CACNA2D4: variants seen among roughly 807,000 people sequenced by gnomAD.
CACNA2D4 encodes the protein calcium voltage-gated channel auxiliary subunit alpha2delta 4, also known as voltage-dependent calcium channel subunit alpha-2/delta-4.
Under a neutral mutation model 163.8 loss-of-function variants are expected in CACNA2D4, and 157 were observed. The ratio of observed to expected loss-of-function variants is 0.96; its 90% CI spans 0.84 to 1.09. The LOEUF (loss-of-function observed/expected upper bound fraction) is 1.09. Ranked by LOEUF, CACNA2D4 falls within the 50% of genes least tolerant of loss-of-function variation. The pLI, the probability that CACNA2D4 is intolerant of heterozygous loss-of-function variation, is 0.00. For synonymous variants in CACNA2D4, 598 were observed against 586.9 expected (o/e 1.02, Z -0.27); for missense variants, 1,410 against 1,479.9 (o/e 0.95, Z 0.78).
intron 26 of CACNA2D4, 128 bp from the exon 27 acceptor site, chr12:1,811,851 G>C: frequency 1.2e-6 from 1 of 853,030 alleles, no homozygotes; most frequent in Non-Finnish European, 1.9e-6. Flanking sequence ...TGGGAGGACT[G>C]AGTCAGAGGG....
intron 26 of CACNA2D4, 132 bp from the exon 27 acceptor site, chr12:1,811,855 C>A: frequency 2.5e-6 from 2 of 785,770 alleles, no homozygotes; most frequent in Non-Finnish European, 2.1e-6. Context: ...AGGACTGAGT[C>A]AGAGGGCAGA....
chr12:1,848,059 A>G (rs1212159400), intron 23 of CACNA2D4, among the ~76,000 whole-genome samples: 2 of 152,326 alleles, frequency 1.3e-5, no homozygotes, highest in Admixed American at 1.3e-4. Context: ...GATATCGTTC[A>G]AATACCATCC....
At position 1,885,861 on chromosome 12, in the gene CACNA2D4, T is replaced by A. The variant is rs1020898986; in HGVS notation, c.1068+104A>T. ...TGCTCTGCTCTCATTCCAGGTGCCA[T>A]GGGAATAAGCAAAAAGGGCCACAGA... On this transcript the variant is annotated intron_variant, in intron 9 of 37. Coordinates refer to ENST00000382722, the MANE Select transcript of CACNA2D4 (RefSeq NM_172364.5). 26 of 813,732 alleles carry A rather than the reference T, an allele frequency of 3.2e-5. No individual in the cohort carries two copies. In the South Asian group the frequency reaches 3.6e-4, roughly 11 times the overall value. The allele number at this position is 813,732 out of a possible 1,614,324, so 50.4% of individuals were successfully genotyped here.
chr12:1,811,527 T>A (rs1484808944), intron 27 of CACNA2D4, 135 bp downstream of exon 27: 1 of 883,840 alleles, frequency 1.1e-6, no homozygotes, highest in African/African-American at 1.7e-5. Context: ...GCTGAGGGGC[T>A]GAGAAGTGTA....
intron 23 of CACNA2D4, among the ~76,000 whole-genome samples, chr12:1,853,630 G>A (rs1000457899): frequency 6.6e-6 from 1 of 152,194 alleles, no homozygotes; most frequent in Non-Finnish European, 1.5e-5. Flanking sequence ...GGATTTCTAA[G>A]GGGCTGGGAA....
At chr12:1,911,021 A>ATTTTTTTTTTTTTTTTTTTTT (rs374264665) in intron 3 of CACNA2D4, among the ~76,000 whole-genome samples, 1 of 133,482 alleles carries the variant, frequency 7.5e-6, no homozygotes, top group Non-Finnish European at 1.6e-5. Flanking sequence ...CCGCAATACA[A>ATTTTTTTTTTTTTTTTTTTTT]TTTTTTTTTT....
At chr12:1,910,758 C>A (rs1866791810) in intron 3 of CACNA2D4, among the ~76,000 whole-genome samples, 1 of 152,154 alleles carries the variant, frequency 6.6e-6, no homozygotes. Context: ...TACAAATGGT[C>A]ACGTATTGTA....
intron 24 of CACNA2D4, among the ~76,000 whole-genome samples, chr12:1,845,715 G>A (rs1865130425): frequency 6.6e-6 from 1 of 152,202 alleles, no homozygotes; most frequent in Non-Finnish European, 1.5e-5. Flanking sequence ...CCTCCCTTGA[G>A]CACCCGGGTG....
At chr12:1,800,752 G>T in intron 31 of CACNA2D4, 1 of 591,604 alleles carries the variant, frequency 1.7e-6, no homozygotes. Context: ...TGATCAAGCG[G>T]CAGTGTCAGG....
intron 19 of CACNA2D4, 143 bp from the exon 20 acceptor site, chr12:1,858,787 T>C: frequency 2.0e-6 from 1 of 511,382 alleles, no homozygotes; most frequent in Non-Finnish European, 3.3e-6. Flanking sequence ...GCCCCCTTCT[T>C]TACCTCTGGC....
chr12:1,887,472 T>C (rs1291029311), intron 6 of CACNA2D4, among the ~76,000 whole-genome samples: 1 of 152,228 alleles, frequency 6.6e-6, no homozygotes, highest in Non-Finnish European at 1.5e-5. Flanking sequence ...CCTCTAGGTG[T>C]TAAGCTCATT....
intron 18 of CACNA2D4, among the ~76,000 whole-genome samples, chr12:1,870,916 G>T (rs1340665966): frequency 2.0e-5 from 3 of 152,172 alleles, no homozygotes; most frequent in Admixed American, 1.3e-4. Context: ...GAGAGAGAAA[G>T]ACAGTGTAAG....
intron 23 of CACNA2D4, among the ~76,000 whole-genome samples, chr12:1,847,557 T>C (rs1389123813): frequency 1.3e-5 from 2 of 152,104 alleles, no homozygotes; most frequent in Non-Finnish European, 2.9e-5. Context: ...CCAGGGGGCT[T>C]GTACAGGGTG....
chr12:1,916,347 C>T (rs1252232553), intron 1 of CACNA2D4, among the ~76,000 whole-genome samples: 1 of 151,888 alleles, frequency 6.6e-6, no homozygotes, highest in African/African-American at 2.4e-5. Context: ...TGTGTTTTAC[C>T]TTGAAAGACA....
In CACNA2D4 at chr12:1,806,304, G is replaced by A. The variant is rs1863535547; in HGVS notation, c.2721+3974C>T. Among the ~76,000 whole-genome samples, 1 of 152,138 alleles carries A rather than the reference G, an allele frequency of 6.6e-6. No homozygotes were observed. The highest frequency in any genetic ancestry group is 1.9e-4 in the East Asian group (1 of 5,192). The stretch of plus-strand genomic sequence containing the variant: ...TTCTCTTTCTAGGCCCCACATCGAG[G>A]GTTGCAATCTTGTCATCCATAACTC... On this transcript the variant is annotated intron_variant, in intron 29 of 37. Transcript: ENST00000382722. This position sits in a 1 kb window ranked among gnomAD's most constrained non-coding sequence, Gnocchi z 4.1.
intron 23 of CACNA2D4, among the ~76,000 whole-genome samples, chr12:1,851,653 G>GTGTGTC (rs1865282599): frequency 1.4e-5 from 1 of 73,180 alleles, no homozygotes; most frequent in Non-Finnish European, 2.8e-5. Flanking sequence ...GTGTGTGTTT[G>GTGTGTC]TGTGTGTGTG....
rs568507661 is a variant in CACNA2D4 at position 1,796,596 on chromosome 12, C to T, written c.3114-816G>A. Among the ~76,000 whole-genome samples, 109 of 152,220 alleles carry T rather than the reference C, an allele frequency of 7.2e-4. 1 individual carries two copies. The highest frequency in any genetic ancestry group is 3.9e-3 in the Admixed American group (59 of 15,292). The stretch of plus-strand genomic sequence containing the variant: ...ACAAGTGCACAGGGAACGCTAACCC[C>T]AGCCCTCAACGCTGCACAGAACCCG... On this transcript the variant is annotated intron_variant, in intron 35 of 37. Transcript: ENST00000382722.
intron 13 of CACNA2D4, among the ~76,000 whole-genome samples, chr12:1,880,639 A>T (rs185000457): frequency 1.3e-5 from 2 of 152,384 alleles, no homozygotes; most frequent in Admixed American, 6.5e-5. Flanking sequence ...GAGATCAACT[A>T]AAGGGGACTG....
At chr12:1,895,252 A>G (rs924538161) in intron 6 of CACNA2D4, among the ~76,000 whole-genome samples, 1 of 152,216 alleles carries the variant, frequency 6.6e-6, no homozygotes, top group African/African-American at 2.4e-5. Context: ...AAAAGATTTT[A>G]TGTTTATGGA....
Sources: allele counts gnomAD v4.1 joint callset (sites outside exome capture counted in the v4.1 genomes callset), GRCh38; gene constraint gnomAD v4.1.1; non-coding constraint Gnocchi (gnomAD v3.1); transcripts MANE v1.5; gene names NCBI Gene and HGNC (gene_info 2026-07-23, HGNC 2026-07-21).